Variants in PPP1R10 observed in about 807,000 individuals in gnomAD.
PPP1R10 encodes protein phosphatase 1 regulatory subunit 10, also known as serine/threonine-protein phosphatase 1 regulatory subunit 10.
PPP1R10 carries 15 observed loss-of-function variants against 99.0 expected under a neutral mutation model. The ratio of observed to expected loss-of-function variants is 0.15; its 90% CI spans 0.10 to 0.23. The LOEUF is 0.23. Among genes scored for constraint, PPP1R10 ranks in the 10% least tolerant of loss-of-function variants. The pLI, the probability that PPP1R10 is intolerant of heterozygous loss-of-function variation, is 1.00. For synonymous variants in PPP1R10, 430 were observed against 449.5 expected (o/e 0.96, Z 0.55); for missense variants, 947 against 1,259.4 (o/e 0.75, Z 3.75).
chr6:30,605,220 A>G, intron 10 of PPP1R10, 126 bp from the exon 11 acceptor site: 2 of 753,306 alleles, frequency 2.7e-6, no homozygotes, highest in East Asian at 5.3e-5. Context: ...CGATAAGCTC[A>G]AGAGGACCAG....
In PPP1R10 at chr6:30,600,720, A is replaced by C. The variant is rs894637168; in HGVS notation, c.*829T>G. The stretch of plus-strand genomic sequence containing the variant: ...GAGCAGGGAGTGAGCTGACTCCCAA[A>C]GGCAGTGCATGTAGTGTGACTTTCA... On this transcript the variant is annotated 3_prime_UTR_variant, in exon 20 of 20. Transcript: ENST00000376511. 3.9e-5 allele frequency: 6 copies of C among 152,578 alleles called. No homozygotes were observed. Among genetic ancestry groups the C allele is most frequent in the African/African-American group, 1.4e-4 (6 of 41,442 alleles). 9.5% of individuals were successfully genotyped at this position (152,578 alleles called of 1,614,324 possible). A position where few individuals can be genotyped will look rare whatever the true frequency, so the allele number is the denominator to read the frequency against.
chr6:30,616,017 G>T (rs1443853984), intron 2 of PPP1R10, among the ~76,000 whole-genome samples: 2 of 152,122 alleles, frequency 1.3e-5, no homozygotes. Context: ...TTATTAATCT[G>T]GCAAATTGAA....
Position 30,601,464 on chromosome 6 carries a change from A to G in PPP1R10, c.*85T>C. The stretch of plus-strand genomic sequence containing the variant: ...CCTCATCAGCTGGGGAAAAGGGAAA[A>G]TGGGCCTCACAGAAGCCATAACAGG... On this transcript the variant is annotated 3_prime_UTR_variant, in exon 20 of 20. Transcript: ENST00000376511. 8.5e-7 allele frequency: 1 copy of G among 1,182,664 alleles called. No homozygotes were observed. The highest frequency in any genetic ancestry group is 1.2e-6 in the Non-Finnish European group (1 of 815,350). 73.3% of individuals were successfully genotyped at this position (1,182,664 alleles called of 1,614,324 possible). A position where few individuals can be genotyped will look rare whatever the true frequency, so the allele number is the denominator to read the frequency against.
Position 30,606,238 on chromosome 6 carries a change from C to G in PPP1R10, c.640G>C (p.Glu214Gln). 1 of 1,613,940 alleles carries G rather than the reference C, an allele frequency of 6.2e-7. No homozygotes were observed. Among genetic ancestry groups the G allele is most frequent in the Non-Finnish European group, 8.5e-7 (1 of 1,180,014 alleles). Residue 214 changes from glutamate to glutamine, a missense_variant, in exon 9 of 20, where the codon GAG becomes CAG. By Grantham distance (29) the Glu-to-Gln change is conservative. Coordinates refer to ENST00000376511, the MANE Select transcript of PPP1R10 (RefSeq NM_002714.4). This position sits in a 1 kb window ranked among gnomAD's most constrained non-coding sequence, Gnocchi z 6.3. ...GGCACCAAGGATGGTGTCTCCAGCT[C>G]TAGTCCTGGGGAAAGAAGCACGGTG... ...SHAKFRSTGL[E>Q]LETPSLVPVK...
rs371875893 is a variant in PPP1R10 at position 30,611,479 on chromosome 6, T to C, written c.-11-1524A>G. On this transcript the variant is annotated intron_variant, in intron 2 of 19. Transcript: ENST00000376511. ...CAATCCCAGCAGAAGGGTAGAAAAATCAGTATTTTACAAAGATGAGTAGTT... is the reference window on the plus strand; with the variant it reads ...CAATCCCAGCAGAAGGGTAGAAAAACCAGTATTTTACAAAGATGAGTAGTT... 3.1e-4 allele frequency among the ~76,000 whole-genome samples: 47 copies of C among 152,220 alleles called. 1 individual carries two copies. The South Asian group carries it at 6.4e-3, about 21-fold the overall frequency.
chr6:30,610,102 A>G (rs1232507083), intron 2 of PPP1R10, 147 bp from the exon 3 acceptor site: 2 of 629,002 alleles, frequency 3.2e-6, no homozygotes, highest in Non-Finnish European at 5.7e-6. Context: ...GATATGAAAA[A>G]TCGACACAGA....
chr6:30,605,216 G>T, intron 10 of PPP1R10, 122 bp from the exon 11 acceptor site: 2 of 769,398 alleles, frequency 2.6e-6, no homozygotes, highest in Non-Finnish European at 4.2e-6. Context: ...GACACGATAA[G>T]CTCAAGAGGA....
Position 30,606,990 on chromosome 6 carries a change from C to T in PPP1R10, c.383-134G>A, listed in dbSNP as rs1395631417. On this transcript the variant is annotated intron_variant, in intron 6 of 19. Coordinates refer to ENST00000376511, the MANE Select transcript of PPP1R10 (RefSeq NM_002714.4). This position sits in a 1 kb window ranked among gnomAD's most constrained non-coding sequence, Gnocchi z 6.3. ...AAGTAACCCAAAGTTTTAAGAAGAA[C>T]ATGAGATATGCTTAAAAACCAAACC... 2 of 771,532 alleles carry T rather than the reference C, an allele frequency of 2.6e-6. No homozygotes were observed. The highest frequency in any genetic ancestry group is 4.3e-6 in the Non-Finnish European group (2 of 468,622). The allele number at this position is 771,532 out of a possible 1,614,324, so 47.8% of individuals were successfully genotyped here.
chr6:30,617,020 G>A (rs1197976687), intron 1 of PPP1R10, 22 bp from the exon 2 acceptor site: 2 of 152,160 alleles, frequency 1.3e-5, no homozygotes, highest in Non-Finnish European at 2.9e-5. Flanking sequence ...GGAACACAAG[G>A]GAGAAAGATG....
Position 30,609,007 on chromosome 6 carries a change from G to A in PPP1R10, c.194+70C>T. 6.2e-7 allele frequency: 1 copy of A among 1,610,776 alleles called. No individual in the cohort carries two copies. Among genetic ancestry groups the A allele is most frequent in the East Asian group, 2.2e-5 (1 of 44,828 alleles). On this transcript the variant is annotated intron_variant, in intron 4 of 19. Transcript: ENST00000376511. The surrounding 1 kb of genome is among the most constrained non-coding windows in gnomAD (Gnocchi z 4.5). ...TCCCAGTCTCCCATCAATGACCGAG[G>A]AACCCCATGCCTCACCGCCCCATCT...
chr6:30,604,933 C>T lies in PPP1R10; in HGVS notation c.954+61G>A, dbSNP rs756117716. The T allele has an allele frequency of 6.4e-7, 1 of 1,567,468 alleles. No individual in the cohort carries two copies. The highest frequency in any genetic ancestry group is 8.8e-7 in the Non-Finnish European group (1 of 1,139,248). On this transcript the variant is annotated intron_variant, in intron 11 of 19. Coordinates refer to ENST00000376511, the MANE Select transcript of PPP1R10 (RefSeq NM_002714.4). The surrounding 1 kb of genome is among the most constrained non-coding windows in gnomAD (Gnocchi z 7.3). ...TCCCCGACAACTCCTAGCTGCTGTG[C>T]CCTTTCTTCTACTTTACCTTTTATA...
In PPP1R10 at chr6:30,601,349, C is replaced by A. The variant is rs1803291966; in HGVS notation, c.*200G>T. 1.2e-5 allele frequency: 7 copies of A among 583,642 alleles called. No individual in the cohort carries two copies. The highest frequency in any genetic ancestry group is 4.5e-4 in the Middle Eastern group (1 of 2,218). The allele number at this position is 583,642 out of a possible 1,614,324, so 36.2% of individuals were successfully genotyped here. ...GGAACGTTTCCAGTCTCTCTCCTCC[C>A]CAGACTGGAGGAAAATATGTACATC... On this transcript the variant is annotated 3_prime_UTR_variant, in exon 20 of 20. Transcript: ENST00000376511.
Position 30,606,288 on chromosome 6 carries a change from AC to A in PPP1R10, c.635-46del. On this transcript the variant is annotated intron_variant, in intron 8 of 19. Coordinates refer to ENST00000376511, the MANE Select transcript of PPP1R10 (RefSeq NM_002714.4). The surrounding 1 kb of genome is among the most constrained non-coding windows in gnomAD (Gnocchi z 6.3). ...GTGGGCAGCTGAACTCAAACCCCAG[AC>A]CCCCGAATTTTCCTCCCGTTCTCAC... The A allele has an allele frequency of 6.2e-7, 1 of 1,603,372 alleles. No homozygotes were observed. The highest frequency in any genetic ancestry group is 8.5e-7 in the Non-Finnish European group (1 of 1,172,996).
chr6:30,608,782 C>T lies in PPP1R10; in HGVS notation c.327G>A (p.Lys109=). 6.2e-7 allele frequency: 1 copy of T among 1,613,952 alleles called. No individual in the cohort carries two copies. The highest frequency in any genetic ancestry group is 8.5e-7 in the Non-Finnish European group (1 of 1,179,912). ...AGGGTTTAAAGACTAAAGGTACCTG[C>T]TTGAGATGGTCTACAGTGAGCGGTA... The part of the protein sequence containing the change: ...QHLPLTVDHL[K]QNNTAKLVKQ... The change falls in exon 5 of 20, where the codon AAG becomes AAA. Residue 109 remains lysine, a synonymous_variant. Coordinates refer to ENST00000376511, the MANE Select transcript of PPP1R10 (RefSeq NM_002714.4).
chr6:30,615,028 A>C (rs1160657072), intron 2 of PPP1R10, among the ~76,000 whole-genome samples: 4 of 152,218 alleles, frequency 2.6e-5, no homozygotes, highest in East Asian at 3.9e-4. Context: ...GAGGAGGAAG[A>C]AAGCTGATTA....
In PPP1R10 at chr6:30,606,138, C is replaced by T. The variant is rs140845191; in HGVS notation, c.740G>A (p.Ser247Asn). The T allele has an allele frequency of 1.9e-6, 3 of 1,614,082 alleles. No homozygotes were observed. The highest frequency in any genetic ancestry group is 2.5e-6 in the Non-Finnish European group (3 of 1,179,974). ...NLKPIPLKRQ[S>N]NVAAPGDATP... ...CAGAGCCTGAGAATATGGTCCATAC[C>T]TCTGACGTTTGAGGGGGATGGGTTT... Residue 247 changes from serine (S) to asparagine (N), a missense_variant and splice_region_variant, in exon 9 of 20, where the codon AGC becomes AAC. Coordinates refer to ENST00000376511, the MANE Select transcript of PPP1R10 (RefSeq NM_002714.4). The surrounding 1 kb of genome is among the most constrained non-coding windows in gnomAD (Gnocchi z 6.3).
At chr6:30,612,840 T>C (rs1804693434) in intron 2 of PPP1R10, among the ~76,000 whole-genome samples, 1 of 152,174 alleles carries the variant, frequency 6.6e-6, no homozygotes, top group African/African-American at 2.4e-5. Context: ...CAAACTGAGT[T>C]GATGAAGGCA....
intron 2 of PPP1R10, among the ~76,000 whole-genome samples, chr6:30,615,619 C>T (rs774292737): frequency 5.3e-5 from 8 of 152,316 alleles, no homozygotes; most frequent in Middle Eastern, 3.4e-3. Flanking sequence ...CATTCAATTG[C>T]ACTAAATGGC....
intron 2 of PPP1R10, among the ~76,000 whole-genome samples, chr6:30,615,596 T>C (rs1241007759): frequency 6.6e-6 from 1 of 152,208 alleles, no homozygotes; most frequent in Non-Finnish European, 1.5e-5. Flanking sequence ...ACACAAATCT[T>C]TTAGAAAGCT....
Sources: gnomAD v4.1 joint callset for allele counts (sites outside exome capture counted in the v4.1 genomes callset) on GRCh38, gnomAD v4.1.1 for gene constraint, Gnocchi (gnomAD v3.1) non-coding constraint, MANE v1.5 for transcripts, NCBI Gene and HGNC (gene_info 2026-07-23, HGNC 2026-07-21) for gene names.